INPP5B: variants seen among roughly 807,000 people sequenced by gnomAD.
The protein encoded by INPP5B is inositol polyphosphate-5-phosphatase B.
In INPP5B, 90 loss-of-function variants were observed where a neutral mutation model predicts 118.5. The ratio of observed to expected loss-of-function variants is 0.76; its 90% confidence interval spans 0.64 to 0.90. INPP5B has a LOEUF of 0.90. INPP5B is among the 40% of genes least tolerant of loss of function. The pLI is 0.00. For missense variants in INPP5B, 984 were observed against 1,125.6 expected (o/e 0.87, Z 1.80); for synonymous variants, 385 against 418.9 (o/e 0.92, Z 0.99).
intron 5 of INPP5B, among the ~76,000 whole-genome samples, chr1:37,943,131 G>C (rs949163004): frequency 5.3e-5 from 8 of 151,970 alleles, no homozygotes; most frequent in African/African-American, 1.9e-4. Context: ...CTCTCGAGTA[G>C]CTGGGATTAC....
chr1:37,887,832 T>C (rs1336338080), intron 10 of INPP5B, among the ~76,000 whole-genome samples: 1 of 150,068 alleles, frequency 6.7e-6, no homozygotes, highest in Non-Finnish European at 1.5e-5. Context: ...CCCTCCCCAC[T>C]AGTAATGCCC....
intron 13 of INPP5B, 176 bp from the exon 14 acceptor site, chr1:37,883,094 T>C (rs1643306170): frequency 3.0e-6 from 3 of 985,328 alleles, no homozygotes; most frequent in South Asian, 4.7e-5. Context: ...TCTAATGTGA[T>C]GCTTGCTCAA....
In INPP5B at chr1:37,861,737, G is replaced by GAA. The variant is rs906397063; in HGVS notation, c.*576_*577dup. 8 of 78,168 alleles carry GAA rather than the reference G, an allele frequency of 1.0e-4. No individual in the cohort carries two copies. Among genetic ancestry groups the GAA allele is most frequent in the Admixed American group, 2.7e-4 (2 of 7,376 alleles). The allele number at this position is 78,168 out of a possible 1,614,324, so 4.8% of individuals were successfully genotyped here. The stretch of plus-strand genomic sequence containing the variant: ...AAGAGTGAAACTCCATCTCAAAAAA[G>GAA]AAAAAAAAAAAAAAAAGGCCGGGCG... On this transcript the variant is annotated 3_prime_UTR_variant, in exon 24 of 24. Coordinates refer to ENST00000373024, the MANE Select transcript of INPP5B (RefSeq NM_005540.3).
chr1:37,902,488 G>A (rs1226425665), intron 7 of INPP5B, among the ~76,000 whole-genome samples: 1 of 152,104 alleles, frequency 6.6e-6, no homozygotes, highest in Non-Finnish European at 1.5e-5. Context: ...CCAAGGCTTT[G>A]AGAAGCTGAG....
intron 12 of INPP5B, among the ~76,000 whole-genome samples, chr1:37,886,649 A>G (rs975263323): frequency 1.3e-5 from 2 of 152,224 alleles, no homozygotes; most frequent in Non-Finnish European, 1.5e-5. Context: ...GGGAGGATCA[A>G]CTGGAGGCTC....
intron 5 of INPP5B, among the ~76,000 whole-genome samples, chr1:37,942,765 T>C (rs139601465): frequency 0.027 from 4,051 of 151,810 alleles, 192 homozygotes; most frequent in African/African-American, 0.093. Flanking sequence ...AAAAATTAGC[T>C]GGGCATGGTG....
intron 7 of INPP5B, among the ~76,000 whole-genome samples, chr1:37,897,439 A>G (rs532984861): frequency 6.7e-4 from 102 of 151,774 alleles, no homozygotes; most frequent in African/African-American, 2.3e-3. Context: ...CTTACCCCCA[A>G]CCCTGTGCTC....
At chr1:37,883,440 GT>G in intron 13 of INPP5B, 1 of 985,420 alleles carries the variant, frequency 1.0e-6, no homozygotes, top group African/African-American at 1.7e-5. Context: ...GGCTCTTTCT[GT>G]ACTGCAGAGT....
chr1:37,889,819 A>C, intron 8 of INPP5B, 95 bp from the exon 9 acceptor site: 1 of 882,590 alleles, frequency 1.1e-6, no homozygotes, highest in Non-Finnish European at 1.7e-6. Context: ...CAAGCATCTA[A>C]GTCACAGAAG....
chr1:37,878,469 G>A (rs1642980222), intron 15 of INPP5B, 146 bp from the exon 16 acceptor site: 3 of 1,452,418 alleles, frequency 2.1e-6, no homozygotes, highest in Admixed American at 2.3e-5. Context: ...AGCAATTCGG[G>A]CCCACCAAGG....
intron 7 of INPP5B, among the ~76,000 whole-genome samples, chr1:37,902,428 C>T (rs960285062): frequency 1.3e-5 from 2 of 152,140 alleles, no homozygotes; most frequent in Non-Finnish European, 2.9e-5. Flanking sequence ...CTGCCAACAC[C>T]TAGAAGAAAA....
chr1:37,927,439 C>T (rs1231714760), intron 7 of INPP5B, among the ~76,000 whole-genome samples: 1 of 152,196 alleles, frequency 6.6e-6, no homozygotes. Flanking sequence ...AAAAGCATTA[C>T]CTGACTTCAA....
chr1:37,887,399 C>A lies in INPP5B; in HGVS notation c.966G>T (p.Trp322Cys), dbSNP rs753273148. 1.9e-6 allele frequency: 3 copies of A among 1,613,874 alleles called. No homozygotes were observed. The highest frequency in any genetic ancestry group is 2.5e-6 in the Non-Finnish European group (3 of 1,179,796). The change falls in exon 11 of 24, where the codon TGG becomes TGT. Residue 322 changes from tryptophan to cysteine, a missense_variant. This residue lies in a region of INPP5B where 634 missense variants were observed against 791.0 expected (regional missense o/e 0.80). Transcript: ENST00000373024. Reference sequence around the variant, plus strand: ...GAAGACCCTCTGACACAGCTTTGAACCACTCTTCCTCCTTTGGGGTATCGT... The same window carrying A: ...GAAGACCCTCTGACACAGCTTTGAAACACTCTTCCTCCTTTGGGGTATCGT... Reference protein sequence around the residue: ...FFHDTPKEEEWFKAVSEGLHP... With the variant: ...FFHDTPKEEECFKAVSEGLHP...
At chr1:37,884,192 T>C (rs1458396756) in intron 13 of INPP5B, 3 of 152,156 alleles carry the variant, frequency 2.0e-5, no homozygotes, top group African/African-American at 7.2e-5. Context: ...ATGTTGGAGG[T>C]AGGCAGACCC....
chr1:37,865,839 G>A lies in INPP5B; in HGVS notation c.2436C>T (p.Ser812=). ...VAEALLLFLE[S]LPEPVICYST... ...TGTAACAGATGACAGGCTCTGGAAG[G>A]CTCTCCAGGAAAAGCAGCAGGGCTT... Residue 812 remains serine (S), a synonymous_variant, in exon 22 of 24, where the codon AGC becomes AGT. Coordinates refer to ENST00000373024, the MANE Select transcript of INPP5B (RefSeq NM_005540.3). The A allele has an allele frequency of 6.2e-7, 1 of 1,613,744 alleles. No homozygotes were observed. Among genetic ancestry groups the A allele is most frequent in the Non-Finnish European group, 8.5e-7 (1 of 1,179,764 alleles).
chr1:37,861,737 GAAAA>G lies in INPP5B; in HGVS notation c.*574_*577del, dbSNP rs906397063. 5.1e-5 allele frequency: 4 copies of G among 78,144 alleles called. No homozygotes were observed. Among genetic ancestry groups the G allele is most frequent in the Non-Finnish European group, 1.1e-4 (4 of 37,932 alleles). The allele number at this position is 78,144 out of a possible 1,614,324, so 4.8% of individuals were successfully genotyped here. ...AAGAGTGAAACTCCATCTCAAAAAAGAAAAAAAAAAAAAAAAGGCCGGGCGTGGT... is the reference window on the plus strand; with the variant it reads ...AAGAGTGAAACTCCATCTCAAAAAAGAAAAAAAAAAAAGGCCGGGCGTGGT... On this transcript the variant is annotated 3_prime_UTR_variant, in exon 24 of 24. Coordinates refer to ENST00000373024, the MANE Select transcript of INPP5B (RefSeq NM_005540.3).
At chr1:37,945,890 G>A (rs1646094487) in intron 2 of INPP5B, 40 bp from the exon 3 acceptor site, 1 of 1,578,954 alleles carries the variant, frequency 6.3e-7, no homozygotes, top group African/African-American at 1.3e-5. Flanking sequence ...CAGAGGCGAG[G>A]CCTCTCCCCA....
chr1:37,935,214 TG>T (rs1312552739), intron 6 of INPP5B, among the ~76,000 whole-genome samples: 2 of 109,940 alleles, frequency 1.8e-5, no homozygotes, highest in Non-Finnish European at 3.7e-5. Flanking sequence ...AAAAAAAAGA[TG>T]GAGTCTGGCT....
chr1:37,875,698 C>T lies in INPP5B; in HGVS notation c.1696G>A (p.Glu566Lys), dbSNP rs980841017. 4.3e-6 allele frequency: 7 copies of T among 1,613,946 alleles called. No individual in the cohort carries two copies. The highest frequency in any genetic ancestry group is 2.2e-5 in the East Asian group (1 of 44,876). ...TCCTCCAGTGTCTTCCGGTAAAGCT[C>T]GTCATTTACGACCCTCACCTGAAAG... ...FDIGVRVVND[E>K]LYRKTLEEIV... Residue 566 changes from glutamate to lysine, a missense_variant, in exon 17 of 24, where the codon GAG becomes AAG. Coordinates refer to ENST00000373024, the MANE Select transcript of INPP5B (RefSeq NM_005540.3).
Sources: gnomAD v4.1 joint callset for allele counts (sites outside exome capture counted in the v4.1 genomes callset) on GRCh38, gnomAD v4.1.1 for gene constraint, gnomAD v4.1.1 regional missense constraint, MANE v1.5 for transcripts, NCBI Gene and HGNC (gene_info 2026-07-23, HGNC 2026-07-21) for gene names.